The following SHLD1 variants were observed in gnomAD, a reference collection of about 807,000 sequenced individuals.
SHLD1 encodes the protein RINN1-REV7-interacting novel NHEJ regulator 3.
In SHLD1, 3 loss-of-function variants were observed where a neutral mutation model predicts 5.5. That is an observed-to-expected ratio of 0.54 (90% CI 0.25 to 1.40). SHLD1 has a LOEUF of 1.40. Ranked by LOEUF, SHLD1 falls within the 40% of genes most tolerant of loss-of-function variation. SHLD1 has a pLI of 0.15. For missense variants in SHLD1, 210 were observed against 244.4 expected, an observed-to-expected ratio of 0.86 and a Z score of 0.94; for synonymous variants, 92 against 94.3, an observed-to-expected ratio of 0.98 and a Z score of 0.14.
intron 2 of SHLD1, among the ~76,000 whole-genome samples, chr20:5,822,220 G>T (rs768329652): frequency 3.9e-5 from 6 of 152,194 alleles, no homozygotes; most frequent in Non-Finnish European, 8.8e-5. Context: ...CACTTTGGGA[G>T]CCCAAGGCGG....
At chr20:5,849,699 C>T (rs2087977607) in intron 2 of SHLD1, among the ~76,000 whole-genome samples, 1 of 152,126 alleles carries the variant, frequency 6.6e-6, no homozygotes, top group African/African-American at 2.4e-5. Context: ...GTGGCTCACG[C>T]CTGTAATCCC....
At chr20:5,778,189 T>C (rs1416499833) in intron 2 of SHLD1, among the ~76,000 whole-genome samples, 1 of 146,254 alleles carries the variant, frequency 6.8e-6, no homozygotes, top group Admixed American at 7.1e-5. Flanking sequence ...CGATCTCGGC[T>C]CACTGCAAGC....
At chr20:5,784,491 T>C (rs570992233) in intron 2 of SHLD1, among the ~76,000 whole-genome samples, 10 of 152,040 alleles carry the variant, frequency 6.6e-5, no homozygotes, top group African/African-American at 2.4e-4. Flanking sequence ...TCCTCTGCTG[T>C]CCAGGCTGGA....
At chr20:5,755,218 A>G (rs1458334609) in intron 1 of SHLD1, among the ~76,000 whole-genome samples, 4 of 152,194 alleles carry the variant, frequency 2.6e-5, no homozygotes, top group South Asian at 2.1e-4. Flanking sequence ...GATGAGACCT[A>G]CTAAGGCAGG....
At chr20:5,769,714 G>A (rs1027361920) in intron 1 of SHLD1, among the ~76,000 whole-genome samples, 2 of 151,596 alleles carry the variant, frequency 1.3e-5, no homozygotes, top group Non-Finnish European at 2.9e-5. Context: ...ATGATGAAAT[G>A]CCTACGTGGC....
intron 1 of SHLD1, among the ~76,000 whole-genome samples, chr20:5,764,215 G>GTATATATATATATATA (rs1225900197): frequency 1.8e-5 from 2 of 109,580 alleles, no homozygotes; most frequent in African/African-American, 7.1e-5. Flanking sequence ...ATATTTGTGT[G>GTATATATATATATATA]TGTGTATATA....
intron 2 of SHLD1, among the ~76,000 whole-genome samples, chr20:5,777,134 G>A (rs561731558): frequency 3.9e-5 from 6 of 152,016 alleles, no homozygotes; most frequent in South Asian, 2.1e-4. Context: ...GATTACAGGC[G>A]TGCACCACCA....
At chr20:5,856,699 T>TACTC (rs2088090435) in intron 2 of SHLD1, among the ~76,000 whole-genome samples, 1 of 152,218 alleles carries the variant, frequency 6.6e-6, no homozygotes, top group Non-Finnish European at 1.5e-5. Context: ...CATCCCCCAC[T>TACTC]ACTCCCTGGT....
intron 2 of SHLD1, among the ~76,000 whole-genome samples, chr20:5,856,075 G>C (rs937508822): frequency 3.5e-4 from 54 of 152,332 alleles, no homozygotes; most frequent in Middle Eastern, 3.4e-3. Flanking sequence ...GTATGACACA[G>C]ATCTCTGGGT....
At chr20:5,777,824 A>G (rs1316283783) in intron 2 of SHLD1, among the ~76,000 whole-genome samples, 2 of 152,178 alleles carry the variant, frequency 1.3e-5, no homozygotes, top group African/African-American at 2.4e-5. Flanking sequence ...GAACTGCTGC[A>G]AATAAATTTA....
At chr20:5,763,560 G>A (rs1215199909) in intron 1 of SHLD1, among the ~76,000 whole-genome samples, 1 of 152,050 alleles carries the variant, frequency 6.6e-6, no homozygotes, top group African/African-American at 2.4e-5. Context: ...TGTAATTGAC[G>A]ATTCTCCTGC....
chr20:5,750,882 A>C (rs1329178771), intron 1 of SHLD1, among the ~76,000 whole-genome samples: 2 of 152,112 alleles, frequency 1.3e-5, no homozygotes, highest in African/African-American at 4.8e-5. Flanking sequence ...CTGTAGTTCC[A>C]GCTGCTCAGG....
At chr20:5,835,013 A>G (rs574992148) in intron 2 of SHLD1, among the ~76,000 whole-genome samples, 1 of 152,328 alleles carries the variant, frequency 6.6e-6, no homozygotes, top group South Asian at 2.1e-4. Flanking sequence ...ATTTCAACAT[A>G]TGAATAGGGG....
At chr20:5,764,191 T>TA (rs1376079635) in intron 1 of SHLD1, among the ~76,000 whole-genome samples, 12 of 46,882 alleles carry the variant, frequency 2.6e-4, no homozygotes, top group African/African-American at 9.9e-4. Context: ...TATATATATA[T>TA]TTTATATATA....
intron 2 of SHLD1, among the ~76,000 whole-genome samples, chr20:5,815,238 C>G (rs2087514090): frequency 6.6e-6 from 1 of 152,200 alleles, no homozygotes. Flanking sequence ...ATGCCCGGGA[C>G]TCATCTCCAG....
chr20:5,856,473 T>C (rs1390417206), intron 2 of SHLD1, among the ~76,000 whole-genome samples: 1 of 151,986 alleles, frequency 6.6e-6, no homozygotes, highest in East Asian at 1.9e-4. Flanking sequence ...AGTGAGGGGG[T>C]AGAAGAAGGA....
intron 2 of SHLD1, among the ~76,000 whole-genome samples, chr20:5,829,433 T>C (rs925016077): frequency 4.6e-5 from 7 of 152,110 alleles, no homozygotes; most frequent in African/African-American, 1.7e-4. Context: ...ACTGGAGATA[T>C]TGGAAAAAGA....
chr20:5,792,990 T>G (rs1233104401), intron 2 of SHLD1, among the ~76,000 whole-genome samples: 1 of 152,230 alleles, frequency 6.6e-6, no homozygotes, highest in Non-Finnish European at 1.5e-5. Flanking sequence ...TTTGTTCTTT[T>G]GCATGTGGAT....
intron 2 of SHLD1, among the ~76,000 whole-genome samples, chr20:5,805,499 C>A (rs906746617): frequency 7.2e-5 from 11 of 152,130 alleles, no homozygotes; most frequent in Admixed American, 6.6e-5. Context: ...ATAAGTGGTA[C>A]ACTTTTCAAT....
Sources: gnomAD v4.1 joint callset for allele counts (sites outside exome capture counted in the v4.1 genomes callset) on GRCh38, gnomAD v4.1.1 for gene constraint, MANE v1.5 for transcripts, NCBI Gene and HGNC (gene_info 2026-07-23, HGNC 2026-07-21) for gene names.